ANK1: variants seen among roughly 807,000 people sequenced by gnomAD.
ANK1 encodes ankyrin-1.
In ANK1, 51 loss-of-function variants were observed where a neutral mutation model predicts 210.4. The ratio of observed to expected loss-of-function variants is 0.24; its 90% CI spans 0.19 to 0.31. ANK1 has a LOEUF of 0.31. Ranked by LOEUF, ANK1 falls within the 10% of genes least tolerant of loss-of-function variation. ANK1 has a pLI of 1.00. For missense variants in ANK1, 2,051 were observed against 2,504.4 expected, an observed-to-expected ratio of 0.82 and a Z score of 3.86; for synonymous variants, 967 against 1,025.9, an observed-to-expected ratio of 0.94 and a Z score of 1.10.
chr8:41,781,868 G>T (rs1231903394), intron 1 of ANK1, among the ~76,000 whole-genome samples: 1 of 152,180 alleles, frequency 6.6e-6, no homozygotes, highest in African/African-American at 2.4e-5. Flanking sequence ...CTGGTACTAG[G>T]AGAGGGTGGA....
intron 1 of ANK1, among the ~76,000 whole-genome samples, chr8:41,890,951 C>G (rs1166240142): frequency 6.6e-6 from 1 of 152,094 alleles, no homozygotes; most frequent in Non-Finnish European, 1.5e-5. Flanking sequence ...TGTACAAAGG[C>G]TCAAGTGTTG....
At position 41,727,971 on chromosome 8, in the gene ANK1, G is replaced by A. The variant is rs747762925; in HGVS notation, c.264C>T (p.Ala88=). ...GNTALHIAAL[A]GQDEVVRELV... ...GCTCCCGGACCACCTCATCCTGCCC[G>A]GCTAGAGCAGCGATGTGCAGGGCCG... Residue 88 remains alanine, a synonymous_variant, in exon 4 of 43, where the codon GCC becomes GCT. Coordinates refer to ENST00000289734, the MANE Select transcript of ANK1 (RefSeq NM_000037.4). The A allele has an allele frequency of 2.1e-5, 34 of 1,614,162 alleles. No individual in the cohort carries two copies. Among genetic ancestry groups the A allele is most frequent in the South Asian group, 1.9e-4 (17 of 91,080 alleles).
intron 39 of ANK1, chr8:41,664,655 A>C: frequency 1.3e-6 from 1 of 757,830 alleles, no homozygotes. Context: ...TCTGGCTCCC[A>C]GGGTGGAACA....
In ANK1 at chr8:41,660,537, C is replaced by G. The variant is rs542770692; in HGVS notation, c.*36+893G>C. The stretch of plus-strand genomic sequence containing the variant: ...AGGGAGGATGGAGATCAGAGCCGGC[C>G]GCTGAAGCCCCCAGCACCACACACA... On this transcript the variant is annotated intron_variant, in intron 42 of 42. Transcript: ENST00000289734. 1.0e-4 allele frequency: 47 copies of G among 466,954 alleles called. 1 individual carries two copies. Among genetic ancestry groups the G allele is most frequent in the South Asian group, 6.2e-4 (40 of 64,016 alleles). The allele number at this position is 466,954 out of a possible 1,614,324, so 28.9% of individuals were successfully genotyped here.
chr8:41,727,159 C>A, intron 5 of ANK1, 91 bp downstream of exon 5: 1 of 993,102 alleles, frequency 1.0e-6, no homozygotes, highest in South Asian at 1.3e-5. Flanking sequence ...ATGGATGCAC[C>A]CCAAGCCACA....
At chr8:41,884,680 A>T (rs28708847) in intron 1 of ANK1, among the ~76,000 whole-genome samples, 1,643 of 152,224 alleles carry the variant, frequency 0.011, 25 homozygotes, top group African/African-American at 0.037. Flanking sequence ...ACAAGAAATA[A>T]AAAAATACCC....
chr8:41,864,646 T>C (rs796187193), intron 1 of ANK1, among the ~76,000 whole-genome samples: 4 of 152,108 alleles, frequency 2.6e-5, no homozygotes, highest in East Asian at 1.9e-4. Flanking sequence ...AATGGAAGAA[T>C]TGGAGGGAAA....
upstream of ANK1, among the ~76,000 whole-genome samples, chr8:41,800,416 G>A (rs745421333): frequency 2.6e-5 from 4 of 152,160 alleles, no homozygotes; most frequent in Non-Finnish European, 5.9e-5. Context: ...TGGATCTAGG[G>A]TCTGGAGGCC....
At chr8:41,763,433 G>A (rs1045875826) in intron 1 of ANK1, among the ~76,000 whole-genome samples, 6 of 152,074 alleles carry the variant, frequency 3.9e-5, no homozygotes, top group Non-Finnish European at 1.5e-5. Flanking sequence ...CCATTTTAGA[G>A]GTGATGAAAC....
At chr8:41,742,104 G>C (rs1231369679) in intron 2 of ANK1, among the ~76,000 whole-genome samples, 1 of 152,204 alleles carries the variant, frequency 6.6e-6, no homozygotes, top group Non-Finnish European at 1.5e-5. Flanking sequence ...GAAGAAAAAA[G>C]TCACATTCAG....
chr8:41,845,214 G>A (rs751361597), intron 1 of ANK1, among the ~76,000 whole-genome samples: 4 of 151,962 alleles, frequency 2.6e-5, no homozygotes, highest in South Asian at 4.1e-4. Context: ...GTGAAACCCC[G>A]TCTCTACAAA....
intron 1 of ANK1, among the ~76,000 whole-genome samples, chr8:41,763,889 C>CTTTTTTTTTTTTTTTTT (rs869100297): frequency 0.014 from 785 of 57,848 alleles, 16 homozygotes; most frequent in East Asian, 0.025. Context: ...TTCTTTTTTT[C>CTTTTTTTTTTTTTTTTT]TTTTTTTTTT....
rs558107181 is a variant in ANK1 at position 41,823,921 on chromosome 8, C to T, written c.127-65784G>A. Reference sequence around the variant, plus strand: ...TACTTTTACAACATATATATGTATCCCCAAGTAGCAAATAGTATCTTTTTG... The same window carrying T: ...TACTTTTACAACATATATATGTATCTCCAAGTAGCAAATAGTATCTTTTTG... On this transcript the variant is annotated intron_variant, in intron 1 of 42. Coordinates refer to the ANK1 transcript ENST00000265709. 6.7e-4 allele frequency among the ~76,000 whole-genome samples: 102 copies of T among 152,120 alleles called. 1 individual carries two copies. The highest frequency in any genetic ancestry group is 3.4e-3 in the Middle Eastern group (1 of 294).
At chr8:41,773,352 T>C (rs1362150518) in intron 1 of ANK1, among the ~76,000 whole-genome samples, 1 of 151,964 alleles carries the variant, frequency 6.6e-6, no homozygotes, top group Non-Finnish European at 1.5e-5. Context: ...ATGAGAAAGG[T>C]GCTGTGTGGA....
chr8:41,674,471 C>T (rs951503456), intron 37 of ANK1, among the ~76,000 whole-genome samples: 45 of 152,216 alleles, frequency 3.0e-4, no homozygotes, highest in African/African-American at 1.1e-3. Context: ...CCCATGAGGA[C>T]AGGGCTGATG....
intron 1 of ANK1, among the ~76,000 whole-genome samples, chr8:41,784,390 T>A (rs776944529): frequency 6.6e-6 from 1 of 152,222 alleles, no homozygotes; most frequent in East Asian, 1.9e-4. Flanking sequence ...TGGGATAGAA[T>A]TAATCAATTC....
chr8:41,711,231 C>T (rs1470912951), intron 16 of ANK1, among the ~76,000 whole-genome samples: 1 of 152,170 alleles, frequency 6.6e-6, no homozygotes, highest in Non-Finnish European at 1.5e-5. Flanking sequence ...CACGGAGCAC[C>T]AGTCAGCGCT....
At chr8:41,799,154 A>C (rs866297303), upstream of ANK1, among the ~76,000 whole-genome samples, 54 of 152,340 alleles carry the variant, frequency 3.5e-4, no homozygotes, top group African/African-American at 1.1e-3. Context: ...GACTCAAAAC[A>C]ATGGCTGTTT....
chr8:41,856,379 T>C (rs1329824720), intron 1 of ANK1, among the ~76,000 whole-genome samples: 1 of 152,214 alleles, frequency 6.6e-6, no homozygotes, highest in Non-Finnish European at 1.5e-5. Flanking sequence ...TGCCCGAATA[T>C]GATTTAGAAA....
Sources: allele counts gnomAD v4.1 joint callset (sites outside exome capture counted in the v4.1 genomes callset), GRCh38; gene constraint gnomAD v4.1.1; transcripts MANE v1.5; gene names NCBI Gene and HGNC (gene_info 2026-07-23, HGNC 2026-07-21).